Variants in HEPHL1 observed in about 807,000 individuals in gnomAD.
The protein encoded by HEPHL1 is ferroxidase HEPHL1.
A neutral mutation model predicts 122.0 loss-of-function variants in HEPHL1; 123 were observed. That is an observed-to-expected ratio of 1.01 (90% CI 0.87 to 1.17). The LOEUF (loss-of-function observed/expected upper bound fraction) is 1.17, where lower values mean the gene tolerates loss of function less well. Ranked by LOEUF, HEPHL1 falls within the 50% of genes most tolerant of loss-of-function variation. The probability of loss-of-function intolerance (pLI) is 0.00; values close to 1 mark genes in which losing one functional copy is unlikely to be tolerated. For missense variants in HEPHL1, 1,452 were observed against 1,430.5 expected (o/e 1.01, Z -0.24); for synonymous variants, 527 against 508.9 (o/e 1.04, Z -0.48).
chr11:94,036,125 G>C (rs371120997), intron 1 of HEPHL1, among the ~76,000 whole-genome samples: 7 of 152,168 alleles, frequency 4.6e-5, no homozygotes, highest in African/African-American at 1.7e-4. Context: ...CCTTAAGGGC[G>C]TATTTCATTA....
At chr11:94,045,650 A>C in intron 1 of HEPHL1, 23 bp from the exon 2 acceptor site, 1 of 1,555,220 alleles carries the variant, frequency 6.4e-7, no homozygotes, top group Non-Finnish European at 8.7e-7. Flanking sequence ...TTCAATTAAA[A>C]ATGTTTTTCT....
intron 15 of HEPHL1, among the ~76,000 whole-genome samples, 164 bp from the exon 16 acceptor site, chr11:94,104,364 G>A (rs945665368): frequency 6.6e-6 from 1 of 152,162 alleles, no homozygotes; most frequent in Admixed American, 6.6e-5. Flanking sequence ...TGTGATGGTG[G>A]TCAACAGGAT....
rs1372035397 is a variant in HEPHL1 at position 94,070,416 on chromosome 11, A to G, written c.1106A>G (p.Asp369Gly). ...GQYNVDNCKSDIFYPKMKGQQ... is the reference protein window; with the variant it reads ...GQYNVDNCKSGIFYPKMKGQQ... ...TACAATGTTGATAACTGCAAAAGTG[A>G]TATTTTCTACCCCAAGATGAAGGGT... is the stretch of plus-strand genomic sequence containing the variant. The change falls in exon 6 of 20, where the codon GAT (aspartate) becomes GGT (glycine). Residue 369 changes from aspartate (D) to glycine (G), a missense_variant. Physicochemically the swap from Asp to Gly is moderately conservative, Grantham distance 94. Coordinates refer to ENST00000315765, the MANE Select transcript of HEPHL1 (RefSeq NM_001098672.2). 15 of 1,604,002 alleles carry G rather than the reference A, an allele frequency of 9.4e-6. No individual in the cohort carries two copies. Among genetic ancestry groups the G allele is most frequent in the South Asian group, 5.6e-5 (5 of 89,246 alleles).
At chr11:94,067,942 C>T (rs2134430335) in intron 5 of HEPHL1, among the ~76,000 whole-genome samples, 192 bp downstream of exon 5, 1 of 152,252 alleles carries the variant, frequency 6.6e-6, no homozygotes, top group East Asian at 1.9e-4. Context: ...TTGACCACTT[C>T]TGTATGAAAA....
chr11:94,110,783 T>C, intron 17 of HEPHL1, 120 bp from the exon 18 acceptor site: 1 of 697,734 alleles, frequency 1.4e-6, no homozygotes, highest in South Asian at 2.1e-5. Context: ...TGATTCCTGC[T>C]CTTTCTTATG....
At chr11:94,069,627 G>A (rs1417760708) in intron 5 of HEPHL1, among the ~76,000 whole-genome samples, 1 of 152,006 alleles carries the variant, frequency 6.6e-6, no homozygotes, top group East Asian at 1.9e-4. Context: ...GGTGAATATA[G>A]AGCTTACTTC....
At chr11:94,049,031 T>C (rs1242276753) in intron 2 of HEPHL1, among the ~76,000 whole-genome samples, 1 of 151,812 alleles carries the variant, frequency 6.6e-6, no homozygotes, top group Non-Finnish European at 1.5e-5. Flanking sequence ...TGAGGCAGGA[T>C]AGTCGCTTGA....
At chr11:94,079,981 T>G (rs1292590752) in intron 9 of HEPHL1, among the ~76,000 whole-genome samples, 1 of 152,208 alleles carries the variant, frequency 6.6e-6, no homozygotes, top group Non-Finnish European at 1.5e-5. Context: ...GGAGCCCATA[T>G]AGCCAAGGCA....
chr11:94,075,712 A>G (rs1555064278), intron 9 of HEPHL1, among the ~76,000 whole-genome samples: 1 of 152,156 alleles, frequency 6.6e-6, no homozygotes, highest in Non-Finnish European at 1.5e-5. Context: ...TTCTTGGACA[A>G]GGTTTCTCAA....
intron 13 of HEPHL1, among the ~76,000 whole-genome samples, chr11:94,100,341 G>A (rs183217940): frequency 6.8e-4 from 104 of 152,296 alleles, no homozygotes; most frequent in South Asian, 2.7e-3. Flanking sequence ...GAATGCACCA[G>A]ATACCCAAGA....
intron 1 of HEPHL1, among the ~76,000 whole-genome samples, chr11:94,022,401 G>T (rs570023638): frequency 2.2e-4 from 33 of 152,314 alleles, no homozygotes; most frequent in African/African-American, 7.9e-4. Flanking sequence ...CTGACAGGCA[G>T]AACCAGTTGC....
intron 17 of HEPHL1, among the ~76,000 whole-genome samples, chr11:94,106,497 A>G (rs992508436): frequency 3.3e-5 from 5 of 151,788 alleles, no homozygotes; most frequent in Non-Finnish European, 5.9e-5. Flanking sequence ...GGGTTTCACC[A>G]TGTTAGCCAG....
chr11:94,032,952 C>T (rs1034937211), intron 1 of HEPHL1, among the ~76,000 whole-genome samples: 3 of 152,064 alleles, frequency 2.0e-5, no homozygotes, highest in Non-Finnish European at 4.4e-5. Context: ...GTAAACACAC[C>T]GCACCTGCTC....
intron 13 of HEPHL1, among the ~76,000 whole-genome samples, chr11:94,094,821 C>A (rs533447226): frequency 6.6e-6 from 1 of 152,252 alleles, no homozygotes; most frequent in East Asian, 1.9e-4. Flanking sequence ...CTGTTCATAT[C>A]CTTCACCCAC....
rs185656985 is a variant in HEPHL1, at chr11:94,113,424, A to G, written c.*1530A>G. ...AAATGGGTAATTGGATAGAAGCTAT[A>G]GTCTTAACATAAAAGGGGATGCAAA... On this transcript the variant is annotated 3_prime_UTR_variant, in exon 20 of 20. Coordinates refer to ENST00000315765, the MANE Select transcript of HEPHL1 (RefSeq NM_001098672.2). 3 of 152,354 alleles carry G rather than the reference A, an allele frequency of 2.0e-5. No homozygotes were observed. The allele number at this position is 152,354 out of a possible 1,614,324, so 9.4% of individuals were successfully genotyped here.
At chr11:94,076,505 G>A (rs537151040) in intron 9 of HEPHL1, among the ~76,000 whole-genome samples, 10 of 152,066 alleles carry the variant, frequency 6.6e-5, no homozygotes, top group South Asian at 6.2e-4. Flanking sequence ...CGCTGTGTCC[G>A]TTTAATGGTA....
At position 94,086,007 on chromosome 11, in the gene HEPHL1, C is replaced by G. The variant is rs772054409; in HGVS notation, c.1898C>G (p.Pro633Arg). 2.4e-5 allele frequency: 39 copies of G among 1,613,774 alleles called. No individual in the cohort carries two copies. Among genetic ancestry groups the G allele is most frequent in the Non-Finnish European group, 3.2e-5 (38 of 1,179,862 alleles). Residue 633 changes from proline (P) to arginine (R), a missense_variant, in exon 11 of 20, where the codon CCA becomes CGA. Coordinates refer to ENST00000315765, the MANE Select transcript of HEPHL1 (RefSeq NM_001098672.2). ...AVNGYMYGNQ[P>R]GLNMCKRDRV... is the part of the protein sequence containing the mutation. ...AACGGCTACATGTATGGCAACCAGC[C>G]AGGCTTAAACATGTGTAAAAGGGAT...
intron 13 of HEPHL1, among the ~76,000 whole-genome samples, chr11:94,093,971 G>GATAGATAGATATATATATAT (rs71036310): frequency 3.0e-4 from 22 of 72,758 alleles, no homozygotes; most frequent in Non-Finnish European, 4.2e-4. Flanking sequence ...TCCTCCAGCA[G>GATAGATAGATATATATATAT]ATATATATAT....
chr11:94,094,570 C>T (rs1196182684), intron 13 of HEPHL1, among the ~76,000 whole-genome samples: 3 of 152,190 alleles, frequency 2.0e-5, no homozygotes, highest in East Asian at 1.9e-4. Flanking sequence ...TGAGGAATTG[C>T]CACACTGTCT....
Sources: allele counts gnomAD v4.1 joint callset (sites outside exome capture counted in the v4.1 genomes callset), GRCh38; gene constraint gnomAD v4.1.1; transcripts MANE v1.5; gene names NCBI Gene and HGNC (gene_info 2026-07-23, HGNC 2026-07-21).